The following PCCA variants were observed in gnomAD, a reference collection of about 807,000 sequenced individuals.
PCCA encodes propionyl-CoA carboxylase subunit alpha.
In PCCA, 74 loss-of-function variants were observed where a neutral mutation model predicts 101.3. That is an observed-to-expected ratio of 0.73 (90% CI 0.61 to 0.89). PCCA has a LOEUF of 0.89. PCCA is among the 40% of genes least tolerant of loss of function. PCCA has a pLI of 0.00. For missense variants in PCCA, 891 were observed against 907.0 expected (o/e 0.98, Z 0.23); for synonymous variants, 294 against 313.6 (o/e 0.94, Z 0.66).
chr13:100,193,963 C>T (rs946599263), intron 6 of PCCA, among the ~76,000 whole-genome samples: 2 of 151,318 alleles, frequency 1.3e-5, no homozygotes, highest in African/African-American at 2.4e-5. Context: ...CCCAGCTACT[C>T]GGGAGGCTGA....
At position 100,279,303 on chromosome 13, in the gene PCCA, A is replaced by G. The variant is rs1358790352; in HGVS notation, c.1065+5957A>G. On this transcript the variant is annotated intron_variant, in intron 12 of 23. Transcript: ENST00000376285. ...TACTTCCAGTGACTGTGATCCTGTC[A>G]GTTACCAGAATAAGTTAATTTTAAT... Among the ~76,000 whole-genome samples the G allele has an allele frequency of 1.3e-5, 2 of 152,212 alleles. 1 individual carries two copies. The highest frequency in any genetic ancestry group is 2.9e-5 in the Non-Finnish European group (2 of 68,036).
intron 20 of PCCA, among the ~76,000 whole-genome samples, chr13:100,428,192 A>G (rs906652598): frequency 3.3e-5 from 5 of 151,754 alleles, no homozygotes; most frequent in Non-Finnish European, 5.9e-5. Context: ...TGAGCCCCCC[A>G]GGTAGCTGGG....
chr13:100,233,118 T>A lies in PCCA; in HGVS notation c.601-2724T>A, dbSNP rs546565060. ...GTCTCTCTGTGTTCACTCATGTGGG[T>A]ATATCTGTAGGATGACTTCCCAGGA... On this transcript the variant is annotated intron_variant, in intron 7 of 23. Transcript: ENST00000376285. 3.9e-5 allele frequency among the ~76,000 whole-genome samples: 6 copies of A among 152,368 alleles called. No individual in the cohort carries two copies. The South Asian group carries it at 1.2e-3, about 32-fold the overall frequency.
At chr13:100,452,151 C>A (rs2081372416) in intron 21 of PCCA, among the ~76,000 whole-genome samples, 1 of 140,974 alleles carries the variant, frequency 7.1e-6, no homozygotes, top group Admixed American at 7.2e-5. Flanking sequence ...TCTTCTTCCT[C>A]TCCCTCTCTC....
At chr13:100,255,396 G>GTA (rs2062012381) in intron 8 of PCCA, among the ~76,000 whole-genome samples, 2 of 152,152 alleles carry the variant, frequency 1.3e-5, no homozygotes, top group African/African-American at 4.8e-5. Context: ...ACAAATCACT[G>GTA]TATAGTCCAG....
chr13:100,330,230 G>A (rs2069344491), intron 16 of PCCA, among the ~76,000 whole-genome samples: 2 of 152,156 alleles, frequency 1.3e-5, no homozygotes, highest in South Asian at 4.1e-4. Flanking sequence ...AGGAGCTGAT[G>A]TAATGGTCCC....
chr13:100,486,946 T>G (rs766218056), intron 21 of PCCA, among the ~76,000 whole-genome samples: 1 of 152,074 alleles, frequency 6.6e-6, no homozygotes, highest in Non-Finnish European at 1.5e-5. Flanking sequence ...CCCACAAACA[T>G]GAAAGGCTTA....
At chr13:100,222,051 AT>A (rs899481400) in intron 7 of PCCA, among the ~76,000 whole-genome samples, 2 of 150,394 alleles carry the variant, frequency 1.3e-5, no homozygotes, top group African/African-American at 4.9e-5. Flanking sequence ...GGTGGAAATA[AT>A]TTTTTTTGAG....
rs1296055538 is a variant in PCCA, at chr13:100,273,270, C to A, written c.989C>A (p.Ser330Tyr). Residue 330 changes from serine (S) to tyrosine (Y), a missense_variant, in exon 12 of 24, where the codon TCC (serine) becomes TAC (tyrosine). Coordinates refer to ENST00000376285, the MANE Select transcript of PCCA (RefSeq NM_000282.4). ...AVALARAVKYSSAGTVEFLVD... is the reference protein window; with the variant it reads ...AVALARAVKYYSAGTVEFLVD... ...GCTCTTGCCAGAGCAGTAAAATATT[C>A]CTCTGCTGGGACCGTGGAGTTCCTT... 1 of 1,610,572 alleles carries A rather than the reference C, an allele frequency of 6.2e-7. No homozygotes were observed. The highest frequency in any genetic ancestry group is 8.5e-7 in the Non-Finnish European group (1 of 1,176,882).
At chr13:100,372,364 A>AAACAG (rs1425109419) in intron 19 of PCCA, among the ~76,000 whole-genome samples, 18 of 151,990 alleles carry the variant, frequency 1.2e-4, no homozygotes, top group African/African-American at 4.4e-4. Context: ...AAACAAAACA[A>AAACAG]AACAAAACAA....
At chr13:100,510,532 T>C (rs2086402852) in intron 21 of PCCA, among the ~76,000 whole-genome samples, 1 of 152,246 alleles carries the variant, frequency 6.6e-6, no homozygotes, top group African/African-American at 2.4e-5. Context: ...AATGAAGTGC[T>C]GTCTGAGCTG....
At chr13:100,144,954 C>G (rs2052348190) in intron 4 of PCCA, among the ~76,000 whole-genome samples, 1 of 152,184 alleles carries the variant, frequency 6.6e-6, no homozygotes, top group Non-Finnish European at 1.5e-5. Flanking sequence ...CCAGAGGAGA[C>G]AGCCTTGAGC....
intron 7 of PCCA, among the ~76,000 whole-genome samples, chr13:100,234,329 A>C (rs767282398): frequency 6.6e-6 from 1 of 152,190 alleles, no homozygotes; most frequent in Non-Finnish European, 1.5e-5. Flanking sequence ...AAGTTTGGAG[A>C]ATGTAGGGTC....
chr13:100,488,323 CCTCAGGTGATCCA>C (rs1295123629), intron 21 of PCCA, among the ~76,000 whole-genome samples: 2 of 152,090 alleles, frequency 1.3e-5, no homozygotes, highest in Non-Finnish European at 2.9e-5. Flanking sequence ...GAAGTCCCGA[CCTCAGGTGATCCA>C]CCCGCCTCGG....
intron 19 of PCCA, among the ~76,000 whole-genome samples, chr13:100,419,645 A>G (rs1362994765): frequency 1.3e-5 from 2 of 152,234 alleles, no homozygotes; most frequent in African/African-American, 4.8e-5. Context: ...TTAGGGAGCT[A>G]TGGAGTCGTG....
At chr13:100,345,604 G>A (rs1294096532) in intron 18 of PCCA, among the ~76,000 whole-genome samples, 4 of 152,222 alleles carry the variant, frequency 2.6e-5, no homozygotes, top group Admixed American at 2.0e-4. Context: ...CTTGCAGCAA[G>A]TTATCCAGAA....
chr13:100,359,884 T>A (rs959857233), intron 18 of PCCA, among the ~76,000 whole-genome samples: 2 of 152,196 alleles, frequency 1.3e-5, no homozygotes, highest in Non-Finnish European at 2.9e-5. Context: ...ACAGATTCAA[T>A]GCAGGCCCGA....
intron 17 of PCCA, 125 bp downstream of exon 17, chr13:100,330,796 C>T (rs2069439668): frequency 6.0e-6 from 4 of 663,714 alleles, no homozygotes; most frequent in African/African-American, 1.8e-5. Context: ...ATTTTTAGAA[C>T]ATGCAAGACT....
intron 12 of PCCA, among the ~76,000 whole-genome samples, chr13:100,289,789 C>T (rs187542966): frequency 6.6e-6 from 1 of 152,268 alleles, no homozygotes; most frequent in African/African-American, 2.4e-5. Flanking sequence ...TTTAATACTT[C>T]TAAGCTATTT....
Sources: gnomAD v4.1 joint callset for allele counts (sites outside exome capture counted in the v4.1 genomes callset) on GRCh38, gnomAD v4.1.1 for gene constraint, MANE v1.5 for transcripts, NCBI Gene and HGNC (gene_info 2026-07-23, HGNC 2026-07-21) for gene names.